The following IL19 variants were observed in gnomAD, a reference collection of about 807,000 sequenced individuals.
IL19 encodes interleukin-19.
Under a neutral mutation model 19.5 loss-of-function variants are expected in IL19, and 15 were observed. The ratio of observed to expected loss-of-function variants is 0.77; its 90% CI spans 0.52 to 1.19. IL19 has a LOEUF of 1.19. Ranked by LOEUF, IL19 falls within the 50% of genes most tolerant of loss-of-function variation. The pLI is 0.00. For synonymous variants in IL19, 78 were observed against 78.3 expected (o/e 1.00, Z 0.02); for missense variants, 199 against 213.1 (o/e 0.93, Z 0.41).
intron 2 of IL19, chr1:206,834,348 C>T (rs1676713059): frequency 2.0e-6 from 2 of 985,504 alleles, no homozygotes; most frequent in African/African-American, 3.5e-5. Flanking sequence ...TTCCAAATGG[C>T]AGAGAGCACT....
chr1:206,812,740 G>T (rs980349804), intron 2 of IL19, among the ~76,000 whole-genome samples: 2 of 152,148 alleles, frequency 1.3e-5, no homozygotes, highest in African/African-American at 4.8e-5. Flanking sequence ...CATAAAATAG[G>T]CAGTGGAAGA....
intron 6 of IL19, among the ~76,000 whole-genome samples, chr1:206,841,455 C>T (rs1572578566): frequency 6.6e-6 from 1 of 152,208 alleles, no homozygotes; most frequent in East Asian, 1.9e-4. Context: ...CTACCTGCCC[C>T]CCCATATTGT....
At chr1:206,772,623 C>G (rs576408385) in intron 1 of IL19, 27 of 599,876 alleles carry the variant, frequency 4.5e-5, no homozygotes, top group Middle Eastern at 4.4e-4. Context: ...TCTCTAACCT[C>G]TCTAATAAAC....
intron 2 of IL19, among the ~76,000 whole-genome samples, chr1:206,802,038 G>A (rs2102461613): frequency 6.6e-6 from 1 of 152,356 alleles, no homozygotes; most frequent in South Asian, 2.1e-4. Flanking sequence ...CAGGAAAGGA[G>A]GGGAAGGGGA....
chr1:206,814,692 A>T (rs1018753402), intron 2 of IL19, among the ~76,000 whole-genome samples: 14 of 109,776 alleles, frequency 1.3e-4, no homozygotes, highest in South Asian at 5.8e-4. Context: ...AAACTCTGTC[A>T]CACACACACA....
Position 206,799,011 on chromosome 1 carries a change from G to A in IL19, c.-3+5G>A, listed in dbSNP as rs374010519. On this transcript the variant is annotated splice_donor_5th_base_variant and intron_variant, in intron 2 of 6. Coordinates refer to ENST00000659997, the MANE Select transcript of IL19 (RefSeq NM_153758.5). ...TTTGGGGCTCTGTTCCACGGGGTAA[G>A]TAATTTCTGCTATAGGGACCCTGGA... 2.0e-4 allele frequency: 321 copies of A among 1,591,456 alleles called. No individual in the cohort carries two copies. The highest frequency in any genetic ancestry group is 1.5e-3 in the East Asian group (66 of 44,780).
intron 1 of IL19, among the ~76,000 whole-genome samples, chr1:206,771,778 C>T (rs1469841354): frequency 6.6e-6 from 1 of 152,204 alleles, no homozygotes; most frequent in Non-Finnish European, 1.5e-5. Flanking sequence ...TTTCTTTCTC[C>T]CCACTGTAGA....
At chr1:206,793,711 A>G (rs1343698146) in intron 1 of IL19, among the ~76,000 whole-genome samples, 1 of 152,238 alleles carries the variant, frequency 6.6e-6, no homozygotes, top group Non-Finnish European at 1.5e-5. Context: ...CACGAGGCAG[A>G]AAAAAATAAT....
chr1:206,806,052 G>A (rs932630160), intron 2 of IL19, among the ~76,000 whole-genome samples: 5 of 152,138 alleles, frequency 3.3e-5, no homozygotes, highest in Non-Finnish European at 7.3e-5. Context: ...AATCCCAGTG[G>A]AAAAGAGAGT....
intron 1 of IL19, among the ~76,000 whole-genome samples, chr1:206,781,429 A>G (rs1456227620): frequency 3.3e-5 from 5 of 150,150 alleles, no homozygotes; most frequent in East Asian, 1.9e-4. Flanking sequence ...AAAAAAAAAA[A>G]AAAAAAAAAG....
intron 2 of IL19, among the ~76,000 whole-genome samples, chr1:206,825,302 G>A (rs1572568440): frequency 6.6e-6 from 1 of 152,290 alleles, no homozygotes; most frequent in Admixed American, 6.5e-5. Flanking sequence ...AAGTTACTCT[G>A]GCACTTAAAA....
intron 1 of IL19, among the ~76,000 whole-genome samples, chr1:206,774,465 G>A (rs1452445381): frequency 6.6e-6 from 1 of 152,138 alleles, no homozygotes; most frequent in African/African-American, 2.4e-5. Flanking sequence ...GGTTTTCTGG[G>A]CTGTGTCTGT....
At chr1:206,817,508 A>T (rs1266631043) in intron 2 of IL19, among the ~76,000 whole-genome samples, 1 of 152,220 alleles carries the variant, frequency 6.6e-6, no homozygotes, top group African/African-American at 2.4e-5. Flanking sequence ...GTCAAAAGAA[A>T]GCTGGCTATC....
rs964459987 is a variant in IL19, at chr1:206,814,694, A to T, written c.-3+15688A>T. ...GGGCAACAGAGTGAAACTCTGTCAC[A>T]CACACACACACACACACACACACAC... On this transcript the variant is annotated intron_variant, in intron 2 of 6. Transcript: ENST00000659997. Among the ~76,000 whole-genome samples, 233 of 130,220 alleles carry T rather than the reference A, an allele frequency of 1.8e-3. 2 individuals are homozygous for T. Among genetic ancestry groups the T allele is most frequent in the African/African-American group, 6.6e-3 (226 of 34,272 alleles). 85.4% of individuals were successfully genotyped at this position (130,220 alleles called of 152,430 possible).
intron 1 of IL19, chr1:206,771,469 T>A (rs1043348602): frequency 2.1e-6 from 3 of 1,439,512 alleles, no homozygotes; most frequent in Non-Finnish European, 2.9e-6. Context: ...ATAACTGAAA[T>A]GCGGTCTTTT....
At chr1:206,774,446 C>T (rs115071118) in intron 1 of IL19, among the ~76,000 whole-genome samples, 174 of 152,246 alleles carry the variant, frequency 1.1e-3, no homozygotes, top group Non-Finnish European at 2.0e-3. Context: ...CCTTCCCCCT[C>T]GGCTCCTGGG....
intron 1 of IL19, among the ~76,000 whole-genome samples, chr1:206,796,628 T>A (rs1246607193): frequency 6.6e-6 from 1 of 152,208 alleles, no homozygotes. Flanking sequence ...TAACCTACCA[T>A]CATGTTACAA....
chr1:206,809,557 A>G (rs1480728863), intron 2 of IL19, among the ~76,000 whole-genome samples: 2 of 152,200 alleles, frequency 1.3e-5, no homozygotes. Flanking sequence ...TAGACTGAAA[A>G]AGTACCATAC....
At chr1:206,813,203 C>T (rs1302618370) in intron 2 of IL19, among the ~76,000 whole-genome samples, 1 of 152,168 alleles carries the variant, frequency 6.6e-6, no homozygotes, top group African/African-American at 2.4e-5. Context: ...CCCTAAAAAC[C>T]ACATTTCTGC....
Sources: allele counts gnomAD v4.1 joint callset (sites outside exome capture counted in the v4.1 genomes callset), GRCh38; gene constraint gnomAD v4.1.1; transcripts MANE v1.5; gene names NCBI Gene and HGNC (gene_info 2026-07-23, HGNC 2026-07-21).